Variants in MUSK observed in about 807,000 individuals in gnomAD.
MUSK encodes muscle associated receptor tyrosine kinase.
In MUSK, 55 loss-of-function variants were observed where a neutral mutation model predicts 88.7. The ratio of observed to expected loss-of-function variants is 0.62; its 90% confidence interval spans 0.50 to 0.78. The LOEUF (loss-of-function observed/expected upper bound fraction) is 0.78, where lower values mean the gene tolerates loss of function less well. MUSK is among the 30% of genes least tolerant of loss of function. The probability of loss-of-function intolerance (pLI) is 0.00; values close to 1 mark genes in which losing one functional copy is unlikely to be tolerated. For synonymous variants in MUSK, 387 were observed against 391.9 expected (o/e 0.99, Z 0.15); for missense variants, 1,015 against 1,074.3 (o/e 0.94, Z 0.77).
At chr9:110,673,216 A>G (rs1466543328) in intron 1 of MUSK, among the ~76,000 whole-genome samples, 2 of 152,202 alleles carry the variant, frequency 1.3e-5, no homozygotes, top group East Asian at 1.9e-4. Flanking sequence ...TCTCTTATCC[A>G]TCTGTGCATA....
At chr9:110,694,465 A>C (rs559583049) in intron 3 of MUSK, among the ~76,000 whole-genome samples, 16 of 151,770 alleles carry the variant, frequency 1.1e-4, no homozygotes, top group African/African-American at 2.2e-4. Context: ...ACCACCAACA[A>C]CACCAAAGCC....
rs2078155358 is a variant in MUSK, at chr9:110,805,890, T to C, written c.*4902T>C. ...CATTTTCATCTCTGTTAGAGTTTTG[T>C]ATTGGCATTAGCATTTGTATTAGCA... On this transcript the variant is annotated 3_prime_UTR_variant, in exon 15 of 15. Coordinates refer to ENST00000374448, the MANE Select transcript of MUSK (RefSeq NM_005592.4). 6.6e-6 allele frequency among the ~76,000 whole-genome samples: 1 copy of C among 152,048 alleles called. No individual in the cohort carries two copies. Among genetic ancestry groups the C allele is most frequent in the South Asian group, 2.1e-4 (1 of 4,830 alleles).
intron 3 of MUSK, among the ~76,000 whole-genome samples, chr9:110,694,527 T>C (rs2076406418): frequency 6.6e-6 from 1 of 152,062 alleles, no homozygotes; most frequent in African/African-American, 2.4e-5. Flanking sequence ...CCATATTTCA[T>C]GCGTTCCTTT....
At position 110,761,667 on chromosome 9, in the gene MUSK, G is replaced by A. The variant is rs565170567; in HGVS notation, c.914-535G>A. Among the ~76,000 whole-genome samples the A allele has an allele frequency of 2.4e-3, 315 of 129,556 alleles. 1 individual carries two copies. Among genetic ancestry groups the A allele is most frequent in the African/African-American group, 8.6e-3 (300 of 34,736 alleles). The allele number at this position is 129,556 out of a possible 152,430, so 85.0% of individuals were successfully genotyped here. On this transcript the variant is annotated intron_variant, in intron 7 of 14. Coordinates refer to ENST00000374448, the MANE Select transcript of MUSK (RefSeq NM_005592.4). ...TGGTTCACTGCAGGCTCCGCCCCCCGGGGGTTCACGCCATTCTCCTGCCTC... is the reference window on the plus strand; with the variant it reads ...TGGTTCACTGCAGGCTCCGCCCCCCAGGGGTTCACGCCATTCTCCTGCCTC...
At chr9:110,701,729 A>T (rs1341888321) in intron 5 of MUSK, among the ~76,000 whole-genome samples, 3 of 100 alleles carry the variant, frequency 0.03, no homozygotes, top group African/African-American at 0.056. Context: ...ATTTTATTTT[A>T]TTTTATTTTA....
chr9:110,719,713 A>C (rs1403604678), intron 5 of MUSK, among the ~76,000 whole-genome samples: 3 of 152,088 alleles, frequency 2.0e-5, no homozygotes, highest in African/African-American at 7.2e-5. Flanking sequence ...TAAACAATGG[A>C]ATTAAACTAT....
At chr9:110,731,596 C>T (rs1453933467) in intron 5 of MUSK, among the ~76,000 whole-genome samples, 1 of 152,006 alleles carries the variant, frequency 6.6e-6, no homozygotes, top group Non-Finnish European at 1.5e-5. Context: ...ACCTAATCCA[C>T]TGCACTTAAT....
chr9:110,787,673 A>G lies in MUSK; in HGVS notation c.1779-17A>G. The G allele has an allele frequency of 6.2e-7, 1 of 1,608,954 alleles. No homozygotes were observed. The highest frequency in any genetic ancestry group is 8.5e-7 in the Non-Finnish European group (1 of 1,178,354). On this transcript the variant is annotated splice_polypyrimidine_tract_variant and intron_variant, in intron 13 of 14. Transcript: ENST00000374448. ...TCCATGATCTTTGGTTTCTTTTTCA[A>G]TAAATGTATCTCTCAGGGCACCAGG...
intron 1 of MUSK, among the ~76,000 whole-genome samples, chr9:110,681,640 T>C (rs776798254): frequency 1.1e-4 from 17 of 151,900 alleles, no homozygotes; most frequent in Non-Finnish European, 2.4e-4. Flanking sequence ...CAAAATAACA[T>C]TAGCAAGGGA....
At chr9:110,700,835 A>T (rs1312162851) in intron 5 of MUSK, among the ~76,000 whole-genome samples, 1 of 152,154 alleles carries the variant, frequency 6.6e-6, no homozygotes, top group African/African-American at 2.4e-5. Context: ...GTTCTGGTTT[A>T]CACCTGTTGT....
In MUSK at chr9:110,800,317, G is replaced by C. The variant is rs2078071797; in HGVS notation, c.1939G>C (p.Val647Leu). The part of the protein sequence containing the change: ...NIVKLLGVCA[V>L]GKPMCLLFEY... ...TCTTTTGGTTCCAGGAGTGTGTGCT[G>C]TCGGGAAGCCAATGTGCCTGCTCTT... The change falls in exon 15 of 15, where the codon GTC becomes CTC. Residue 647 changes from valine to leucine, a missense_variant. Coordinates refer to ENST00000374448, the MANE Select transcript of MUSK (RefSeq NM_005592.4). 2 of 1,608,552 alleles carry C rather than the reference G, an allele frequency of 1.2e-6. No individual in the cohort carries two copies. The highest frequency in any genetic ancestry group is 1.3e-5 in the African/African-American group (1 of 74,796).
chr9:110,724,807 T>TTGAGTAGTA (rs1191173851), intron 5 of MUSK, among the ~76,000 whole-genome samples: 2 of 152,040 alleles, frequency 1.3e-5, no homozygotes, highest in East Asian at 3.9e-4. Flanking sequence ...TAACACCAAC[T>TTGAGTAGTA]TGAGTAGTAC....
intron 5 of MUSK, among the ~76,000 whole-genome samples, chr9:110,708,556 A>C (rs2076630958): frequency 6.6e-6 from 1 of 152,212 alleles, no homozygotes. Flanking sequence ...ATCATTGGGA[A>C]AATTAAATCT....
At chr9:110,766,752 C>T (rs1047470353) in intron 8 of MUSK, among the ~76,000 whole-genome samples, 5 of 152,058 alleles carry the variant, frequency 3.3e-5, no homozygotes, top group East Asian at 1.9e-4. Context: ...AAACTAAATT[C>T]GATAGTTGTA....
intron 5 of MUSK, among the ~76,000 whole-genome samples, chr9:110,700,006 C>T (rs962475023): frequency 1.3e-5 from 2 of 152,140 alleles, no homozygotes; most frequent in Admixed American, 6.6e-5. Context: ...AGTAAAGCTC[C>T]CTTTCCAGAT....
intron 5 of MUSK, among the ~76,000 whole-genome samples, chr9:110,727,947 C>T (rs764201953): frequency 3.3e-5 from 5 of 152,088 alleles, no homozygotes; most frequent in Non-Finnish European, 5.9e-5. Flanking sequence ...TTGGGGACTA[C>T]GTCTGACATG....
At chr9:110,721,917 G>T (rs1291388930) in intron 5 of MUSK, among the ~76,000 whole-genome samples, 1 of 152,138 alleles carries the variant, frequency 6.6e-6, no homozygotes, top group Non-Finnish European at 1.5e-5. Context: ...GAACTGAATT[G>T]TGAACCCAGA....
chr9:110,735,204 T>C (rs947880702), intron 6 of MUSK, among the ~76,000 whole-genome samples: 3 of 152,108 alleles, frequency 2.0e-5, no homozygotes, highest in Non-Finnish European at 4.4e-5. Context: ...AATCCACTAC[T>C]GGGTATACAG....
intron 8 of MUSK, among the ~76,000 whole-genome samples, chr9:110,763,548 TAGAAAC>T (rs1256995339): frequency 5.3e-5 from 8 of 152,206 alleles, no homozygotes; most frequent in Admixed American, 5.2e-4. Flanking sequence ...CGCGAAAGAA[TAGAAAC>T]AGTTCCCGTT....
Sources: allele counts gnomAD v4.1 joint callset (sites outside exome capture counted in the v4.1 genomes callset), GRCh38; gene constraint gnomAD v4.1.1; transcripts MANE v1.5; gene names NCBI Gene and HGNC (gene_info 2026-07-23, HGNC 2026-07-21).